FAM83G: variants seen among roughly 807,000 people sequenced by gnomAD.
FAM83G encodes the protein scaffolding CK1 anchoring protein G, also known as protein FAM83G.
Under a neutral mutation model 61.5 loss-of-function variants are expected in FAM83G, and 38 were observed. The ratio of observed to expected loss-of-function variants is 0.62; its 90% confidence interval spans 0.48 to 0.81. The LOEUF (loss-of-function observed/expected upper bound fraction) is 0.81, where lower values mean the gene tolerates loss of function less well. FAM83G is among the 30% of genes least tolerant of loss of function. FAM83G has a pLI of 0.00. For synonymous variants in FAM83G, 470 were observed against 476.1 expected (o/e 0.99, Z 0.17); for missense variants, 989 against 1,133.6 (o/e 0.87, Z 1.83).
In FAM83G at chr17:18,977,685, C is replaced by T. The variant is rs2043014128; in HGVS notation, c.1981G>A (p.Gly661Arg). The part of the protein sequence containing the change: ...APHITRGTFV[G>R]PQGGSPWAQS... ...GCCCATGGGGAGCCACCCTGGGGTCCAACAAAGGTCCCTCGGGTTATATGG... is the reference window on the plus strand; with the variant it reads ...GCCCATGGGGAGCCACCCTGGGGTCTAACAAAGGTCCCTCGGGTTATATGG... Residue 661 changes from glycine to arginine, a missense_variant, in exon 5 of 6, where the codon GGA becomes AGA. Around this residue, in one of 3 missense-constraint regions of FAM83G, gnomAD observed 574 missense variants for 645.1 expected, o/e 0.89. Transcript: ENST00000388995. 3 of 1,610,502 alleles carry T rather than the reference C, an allele frequency of 1.9e-6. No homozygotes were observed. The highest frequency in any genetic ancestry group is 2.5e-6 in the Non-Finnish European group (3 of 1,179,812).
rs749469051 is a variant in FAM83G, at chr17:18,977,970, C to T, written c.1696G>A (p.Glu566Lys). The T allele has an allele frequency of 1.1e-5, 17 of 1,588,030 alleles. No individual in the cohort carries two copies. The Admixed American group carries it at 2.0e-4, about 18-fold the overall frequency. ...RQLSVTQDDP[E>K]SLGVGLPNGL... is the part of the protein sequence containing the mutation. ...TTGGGGAGCCCCACCCCGAGGCTCT[C>T]GGGGTCATCCTGGGTCACAGATAGC... is the stretch of plus-strand genomic sequence containing the variant. Residue 566 changes from glutamate (E) to lysine (K), a missense_variant, in exon 5 of 6, where the codon GAG becomes AAG. By Grantham distance (56) the Glu-to-Lys change is moderately conservative (BLOSUM62 1). Coordinates refer to ENST00000388995, the MANE Select transcript of FAM83G (RefSeq NM_001039999.3).
At chr17:18,985,506 C>T (rs1303514939) in intron 3 of FAM83G, among the ~76,000 whole-genome samples, 5 of 152,194 alleles carry the variant, frequency 3.3e-5, no homozygotes, top group African/African-American at 1.2e-4. Context: ...TGGCTGAGGG[C>T]AGGCCCAGGG....
At chr17:18,986,978 A>C (rs1209345105) in intron 3 of FAM83G, among the ~76,000 whole-genome samples, 1 of 152,192 alleles carries the variant, frequency 6.6e-6, no homozygotes, top group Non-Finnish European at 1.5e-5. Flanking sequence ...GGGCCAACCC[A>C]CCAGGGAGAC....
rs1238347458 is a variant in FAM83G, at chr17:18,971,364, G to A, written c.2467C>T (p.Pro823Ser). 6.4e-7 allele frequency: 1 copy of A among 1,552,520 alleles called. No homozygotes were observed. The highest frequency in any genetic ancestry group is 1.9e-5 in the Admixed American group (1 of 53,388). Residue 823 changes from proline to serine, a missense_variant, in exon 6 of 6, where the codon CCC (proline) becomes TCC (serine). Transcript: ENST00000388995. The surrounding 1 kb of genome is among the most constrained non-coding windows in gnomAD (Gnocchi z 5.5). ...CTCCAGGCTGGGACATGCTGCTAGGGGTCTTTGCGGTCCCGGGGGGCTTGA... is the reference window on the plus strand; with the variant it reads ...CTCCAGGCTGGGACATGCTGCTAGGAGTCTTTGCGGTCCCGGGGGGCTTGA... ...RAQAPRDRKD[P>S]
chr17:18,997,148 T>TGCAGC (rs2043589461), intron 2 of FAM83G, among the ~76,000 whole-genome samples: 1 of 152,230 alleles, frequency 6.6e-6, no homozygotes, highest in Admixed American at 6.5e-5. Flanking sequence ...CTGCAGTGGG[T>TGCAGC]TGGGGTCAAG....
At chr17:18,982,621 A>T (rs1467123312) in intron 3 of FAM83G, among the ~76,000 whole-genome samples, 2 of 152,154 alleles carry the variant, frequency 1.3e-5, no homozygotes, top group African/African-American at 4.8e-5. Flanking sequence ...ATCTGCTCTC[A>T]GCGGGTGGCA....
chr17:18,985,771 G>C (rs1465997635), intron 3 of FAM83G, among the ~76,000 whole-genome samples: 1 of 152,202 alleles, frequency 6.6e-6, no homozygotes, highest in African/African-American at 2.4e-5. Context: ...ACCTTCCCTG[G>C]GGAAGCGAGG....
rs139096938 is a variant in FAM83G at position 18,990,253 on chromosome 17, G to A, written c.523-1839C>T. 2.1e-3 allele frequency among the ~76,000 whole-genome samples: 314 copies of A among 152,294 alleles called. 1 individual carries two copies. The highest frequency in any genetic ancestry group is 6.9e-3 in the African/African-American group (288 of 41,560). Reference sequence around the variant, plus strand: ...AGGAAGGCCAGAGACTGCTTGGAGCGGGGGTAGATGATAGGGCAGAGAAGA... The same window carrying A: ...AGGAAGGCCAGAGACTGCTTGGAGCAGGGGTAGATGATAGGGCAGAGAAGA... On this transcript the variant is annotated intron_variant, in intron 2 of 5. Coordinates refer to ENST00000388995, the MANE Select transcript of FAM83G (RefSeq NM_001039999.3).
chr17:19,005,986 T>C (rs1567809199), upstream of FAM83G, among the ~76,000 whole-genome samples: 2 of 152,266 alleles, frequency 1.3e-5, no homozygotes, highest in East Asian at 3.9e-4. Context: ...TGTAAGACCT[T>C]CTCTGAGCCG....
chr17:19,005,036 T>G (rs1390653266), upstream of FAM83G, among the ~76,000 whole-genome samples: 1 of 152,200 alleles, frequency 6.6e-6, no homozygotes, highest in Non-Finnish European at 1.5e-5. Flanking sequence ...GGCACCCCCC[T>G]GTGCCCCCAG....
At chr17:18,992,604 C>T (rs2043456523) in intron 2 of FAM83G, among the ~76,000 whole-genome samples, 1 of 152,350 alleles carries the variant, frequency 6.6e-6, no homozygotes, top group South Asian at 2.1e-4. Flanking sequence ...CCAGCCAGAG[C>T]CCCCTGAGCA....
Position 19,004,507 on chromosome 17 carries a change from C to A in FAM83G, c.-129+202G>T, listed in dbSNP as rs1185941556. On this transcript the variant is annotated intron_variant, in intron 1 of 5. Transcript: ENST00000388995. This position sits in a 1 kb window ranked among gnomAD's most constrained non-coding sequence, Gnocchi z 5.4. ...AGTAGCTTCTTAGAGTGGGAGGCGG[C>A]CCCGGCACAGAGGCGCCCCGCAAAC... 6.6e-6 allele frequency among the ~76,000 whole-genome samples: 1 copy of A among 152,148 alleles called. No individual in the cohort carries two copies. The highest frequency in any genetic ancestry group is 1.5e-5 in the Non-Finnish European group (1 of 67,996).
Position 18,969,222 on chromosome 17 carries a change from C to T in FAM83G, c.*2137G>A. 1 of 1,581,764 alleles carries T rather than the reference C, an allele frequency of 6.3e-7. No individual in the cohort carries two copies. Among genetic ancestry groups the T allele is most frequent in the Admixed American group, 1.7e-5 (1 of 58,244 alleles). ...GTAAAGGGGTCAGAAGGCCACCTCC[C>T]CCTACAGGCCCGAGGGAGCAGCCCA... On this transcript the variant is annotated 3_prime_UTR_variant, in exon 6 of 6. Transcript: ENST00000388995.
At position 18,971,415 on chromosome 17, in the gene FAM83G, C is replaced by G; in HGVS notation, c.2416G>C (p.Ala806Pro). ...LKARTGGSQWASSDSKRRAQA... is the reference protein window; with the variant it reads ...LKARTGGSQWPSSDSKRRAQA... ...GCCCTCCGTTTAGAATCCGATGAGG[C>G]CCACTGGCTACCGCCCGTCCTGGCC... is the stretch of plus-strand genomic sequence containing the variant. Residue 806 changes from alanine (A) to proline (P), a missense_variant, in exon 6 of 6, where the codon GCC (alanine) becomes CCC (proline). This residue lies in a region of FAM83G where 574 missense variants were observed against 645.1 expected (regional missense o/e 0.89). Coordinates refer to ENST00000388995, the MANE Select transcript of FAM83G (RefSeq NM_001039999.3). The surrounding 1 kb of genome is among the most constrained non-coding windows in gnomAD (Gnocchi z 5.5). The G allele has an allele frequency of 6.2e-7, 1 of 1,613,848 alleles. No individual in the cohort carries two copies. Among genetic ancestry groups the G allele is most frequent in the Non-Finnish European group, 8.5e-7 (1 of 1,179,992 alleles).
chr17:18,978,302 GC>G lies in FAM83G; in HGVS notation c.1363del (p.Ala455ProfsTer62). 1 of 1,611,134 alleles carries G rather than the reference GC, an allele frequency of 6.2e-7. No homozygotes were observed. Among genetic ancestry groups the G allele is most frequent in the South Asian group, 1.1e-5 (1 of 90,770 alleles). The stretch of plus-strand genomic sequence containing the variant: ...CTTCCACAGCTGGTGCTGGGCGCTG[GC>G]CTGGGAGGTGTCACGGATCTTGATG... ...NRIKIRDTSQ[A>X]SAQHQLWKQS... On this transcript the variant is annotated frameshift_variant, in exon 5 of 6. Coordinates refer to ENST00000388995, the MANE Select transcript of FAM83G (RefSeq NM_001039999.3). LOFTEE classifies it high-confidence loss of function.
At position 19,003,908 on chromosome 17, in the gene FAM83G, G is replaced by A; in HGVS notation, c.134C>T (p.Ala45Val). 6.2e-7 allele frequency: 1 copy of A among 1,612,972 alleles called. No individual in the cohort carries two copies. Among genetic ancestry groups the A allele is most frequent in the Non-Finnish European group, 8.5e-7 (1 of 1,179,940 alleles). ...LEALVARGRD[A>V]FYEVLKRENI... ...CTCCCGCTTGAGCACCTCGTAGAAG[G>A]CGTCCCGGCCGCGGGCCACCAGGGC... Residue 45 changes from alanine to valine, a missense_variant, in exon 2 of 6, where the codon GCC becomes GTC. Around this residue, in one of 3 missense-constraint regions of FAM83G, gnomAD observed 371 missense variants for 404.5 expected, o/e 0.92. Coordinates refer to ENST00000388995, the MANE Select transcript of FAM83G (RefSeq NM_001039999.3). The surrounding 1 kb of genome is among the most constrained non-coding windows in gnomAD (Gnocchi z 4.5).
rs1156513958 is a variant in FAM83G at position 19,000,383 on chromosome 17, G to T, written c.522+3137C>A. 6.6e-6 allele frequency among the ~76,000 whole-genome samples: 1 copy of T among 152,198 alleles called. No homozygotes were observed. The highest frequency in any genetic ancestry group is 2.4e-5 in the African/African-American group (1 of 41,452). On this transcript the variant is annotated intron_variant, in intron 2 of 5. Transcript: ENST00000388995. The surrounding 1 kb of genome is among the most constrained non-coding windows in gnomAD (Gnocchi z 5.2). ...TCCCATTTTACAGATGGGATGACCG[G>T]GGCTTGGAGAGGAGCTGGGGCTTGT...
chr17:18,977,402 G>T (rs1365617942), intron 5 of FAM83G, 182 bp downstream of exon 5: 3 of 634,354 alleles, frequency 4.7e-6, no homozygotes, highest in African/African-American at 1.8e-5. Context: ...ATTAATGATG[G>T]CCTTCCATAT....
chr17:18,969,356 G>A lies in FAM83G; in HGVS notation c.*2003C>T. The A allele has an allele frequency of 1.2e-6, 2 of 1,613,580 alleles. No homozygotes were observed. Among genetic ancestry groups the A allele is most frequent in the South Asian group, 1.1e-5 (1 of 91,080 alleles). On this transcript the variant is annotated 3_prime_UTR_variant, in exon 6 of 6. Transcript: ENST00000388995. The stretch of plus-strand genomic sequence containing the variant: ...TCCACTGGCAGGGGGCCTGGCTGCT[G>A]TAATCTACACGGACGCCCTGCAGAC...
Sources: allele counts gnomAD v4.1 joint callset (sites outside exome capture counted in the v4.1 genomes callset), GRCh38; gene constraint gnomAD v4.1.1; regional missense constraint gnomAD v4.1.1; non-coding constraint Gnocchi (gnomAD v3.1); transcripts MANE v1.5; gene names NCBI Gene and HGNC (gene_info 2026-07-23, HGNC 2026-07-21).